The following BANK1 variants were observed in gnomAD, a reference collection of about 807,000 sequenced individuals.
BANK1 encodes B-cell scaffold protein with ankyrin repeats.
BANK1 carries 95 observed loss-of-function variants against 94.5 expected under a neutral mutation model. The ratio of observed to expected loss-of-function variants is 1.00; its 90% CI spans 0.85 to 1.19. The LOEUF is 1.19. BANK1 is among the 50% of genes most tolerant of loss of function. The pLI, the probability that BANK1 is intolerant of heterozygous loss-of-function variation, is 0.00. For synonymous variants in BANK1, 334 were observed against 308.4 expected (o/e 1.08, Z -0.87); for missense variants, 987 against 932.2 (o/e 1.06, Z -0.77).
chr4:101,879,793 A>G (rs1728612393), intron 5 of BANK1, among the ~76,000 whole-genome samples: 2 of 152,142 alleles, frequency 1.3e-5, no homozygotes. Flanking sequence ...AAAATATGCA[A>G]ATAAACCAAT....
chr4:101,862,490 C>A, intron 3 of BANK1, 36 bp from the exon 4 acceptor site: 1 of 1,554,336 alleles, frequency 6.4e-7, no homozygotes, highest in Non-Finnish European at 8.7e-7. Context: ...GTAAACTTTT[C>A]CAAATGCTTA....
At chr4:101,870,385 G>A in intron 4 of BANK1, 120 bp from the exon 5 acceptor site, 1 of 863,798 alleles carries the variant, frequency 1.2e-6, no homozygotes, top group South Asian at 3.8e-5. Flanking sequence ...GATTTTAAGT[G>A]CTAGAGATGA....
At chr4:101,863,043 T>C (rs1305640645) in intron 4 of BANK1, among the ~76,000 whole-genome samples, 1 of 151,942 alleles carries the variant, frequency 6.6e-6, no homozygotes, top group African/African-American at 2.4e-5. Flanking sequence ...TTTTTCCCTT[T>C]CTTTCTTTTT....
At chr4:102,016,840 C>G (rs764260825) in intron 7 of BANK1, among the ~76,000 whole-genome samples, 47 of 151,972 alleles carry the variant, frequency 3.1e-4, no homozygotes, top group Non-Finnish European at 4.7e-4. Flanking sequence ...AAAGACACGC[C>G]CACGAATAAT....
intron 5 of BANK1, among the ~76,000 whole-genome samples, chr4:101,891,584 C>G (rs769441255): frequency 1.3e-5 from 2 of 152,024 alleles, no homozygotes; most frequent in African/African-American, 2.4e-5. Flanking sequence ...CATCCCCACC[C>G]TGTTTCTCAT....
At chr4:102,018,820 C>CTTT (rs1199831397) in intron 7 of BANK1, among the ~76,000 whole-genome samples, 2 of 140,532 alleles carry the variant, frequency 1.4e-5, no homozygotes, top group African/African-American at 2.6e-5. Context: ...TCTTTCTTTC[C>CTTT]TTTTTTTTTT....
intron 11 of BANK1, among the ~76,000 whole-genome samples, chr4:102,046,187 T>A (rs999267779): frequency 6.6e-6 from 1 of 151,828 alleles, no homozygotes; most frequent in South Asian, 2.1e-4. Context: ...AAACAAGCAA[T>A]GGGGAAAGGA....
chr4:102,072,335 G>A lies in BANK1; in HGVS notation c.2243-10G>A, dbSNP rs761842033. On this transcript the variant is annotated splice_polypyrimidine_tract_variant and intron_variant, in intron 14 of 16. Coordinates refer to ENST00000322953, the MANE Select transcript of BANK1 (RefSeq NM_017935.5). Reference sequence around the variant, plus strand: ...GAATAAAGAGGTAATAACTGAGTTTGTATTTCTAGGTAAGGAAACTGCCCA... The same window carrying A: ...GAATAAAGAGGTAATAACTGAGTTTATATTTCTAGGTAAGGAAACTGCCCA... 5.8e-5 allele frequency: 91 copies of A among 1,564,328 alleles called. No individual in the cohort carries two copies. Among genetic ancestry groups the A allele is most frequent in the Non-Finnish European group, 7.7e-5 (88 of 1,136,938 alleles).
intron 2 of BANK1, among the ~76,000 whole-genome samples, chr4:101,832,864 C>G (rs1424339796): frequency 6.6e-6 from 1 of 151,894 alleles, no homozygotes; most frequent in Non-Finnish European, 1.5e-5. Flanking sequence ...CCCTCCCTCC[C>G]TTCCTTCTTT....
intron 11 of BANK1, among the ~76,000 whole-genome samples, chr4:102,054,149 G>A (rs1259104906): frequency 6.7e-6 from 1 of 150,160 alleles, no homozygotes; most frequent in Admixed American, 6.7e-5. Context: ...TATCTTATGA[G>A]ATATTATTTT....
At chr4:102,026,845 A>G (rs920897225) in intron 9 of BANK1, among the ~76,000 whole-genome samples, 2 of 150,844 alleles carry the variant, frequency 1.3e-5, no homozygotes, top group Non-Finnish European at 3.0e-5. Flanking sequence ...AAAAAAAGGA[A>G]TTTAGCATTT....
intron 7 of BANK1, among the ~76,000 whole-genome samples, chr4:101,956,270 T>A (rs1238985804): frequency 6.6e-6 from 1 of 152,174 alleles, no homozygotes; most frequent in Non-Finnish European, 1.5e-5. Context: ...GTGAACTAAG[T>A]GACCTCTACT....
intron 2 of BANK1, among the ~76,000 whole-genome samples, chr4:101,849,464 AGTG>A (rs1388139959): frequency 1.3e-5 from 2 of 152,142 alleles, no homozygotes; most frequent in East Asian, 3.9e-4. Context: ...ATGAACATAC[AGTG>A]GTGGTGGCGT....
chr4:101,889,990 A>C (rs980273690), intron 5 of BANK1, among the ~76,000 whole-genome samples: 1 of 152,108 alleles, frequency 6.6e-6, no homozygotes, highest in African/African-American at 2.4e-5. Flanking sequence ...TCTTTCTGTT[A>C]TGGATTTCTA....
chr4:102,003,185 G>T (rs1726135123), intron 7 of BANK1, among the ~76,000 whole-genome samples: 1 of 152,108 alleles, frequency 6.6e-6, no homozygotes, highest in Admixed American at 6.5e-5. Flanking sequence ...CTAAGTAGAG[G>T]TTTAACCAAA....
chr4:101,791,595 A>T (rs1269151899), intron 1 of BANK1, among the ~76,000 whole-genome samples: 1 of 152,242 alleles, frequency 6.6e-6, no homozygotes, highest in African/African-American at 2.4e-5. Context: ...TTTCAAATGC[A>T]TTTGCAAATT....
chr4:102,030,203 C>T lies in BANK1; in HGVS notation c.1838C>T (p.Ala613Val). The stretch of plus-strand genomic sequence containing the variant: ...TCTTTCATTATAAATAGACCTCCTG[C>T]CCCCACACCCCGACCCACAAGTATA... ...SRSFIINRPP[A>V]PTPRPTSIPP... is the part of the protein sequence containing the mutation. Residue 613 changes from alanine (A) to valine (V), a missense_variant, in exon 10 of 17, where the codon GCC becomes GTC. Coordinates refer to ENST00000322953, the MANE Select transcript of BANK1 (RefSeq NM_017935.5). 6.2e-7 allele frequency: 1 copy of T among 1,613,264 alleles called. No homozygotes were observed. Among genetic ancestry groups the T allele is most frequent in the Non-Finnish European group, 8.5e-7 (1 of 1,179,700 alleles).
intron 7 of BANK1, among the ~76,000 whole-genome samples, chr4:102,001,535 G>A (rs901914418): frequency 9.9e-5 from 15 of 152,172 alleles, no homozygotes; most frequent in African/African-American, 3.4e-4. Flanking sequence ...GGGAGGCGGA[G>A]GTTGCAGTGA....
chr4:101,946,319 G>A (rs377084731), intron 7 of BANK1, among the ~76,000 whole-genome samples: 93 of 152,080 alleles, frequency 6.1e-4, no homozygotes, highest in African/African-American at 2.1e-3. Context: ...CATGATGTGA[G>A]TCTACGTTTG....
Sources: gnomAD v4.1 joint callset for allele counts (sites outside exome capture counted in the v4.1 genomes callset) on GRCh38, gnomAD v4.1.1 for gene constraint, MANE v1.5 for transcripts, NCBI Gene and HGNC (gene_info 2026-07-23, HGNC 2026-07-21) for gene names.